Variants in LRRFIP1 observed in about 807,000 individuals in gnomAD.
The protein encoded by LRRFIP1 is leucine-rich repeat flightless-interacting protein 1.
In LRRFIP1, 62 loss-of-function variants were observed where a neutral mutation model predicts 104.4. The observed-to-expected ratio is 0.59, with a 90% CI of 0.48 to 0.73. The LOEUF (loss-of-function observed/expected upper bound fraction) is 0.73. Ranked by LOEUF, LRRFIP1 falls within the 30% of genes least tolerant of loss-of-function variation. LRRFIP1 has a pLI of 0.00. For missense variants in LRRFIP1, 796 were observed against 824.5 expected (o/e 0.97, Z 0.42); for synonymous variants, 300 against 299.0 (o/e 1.00, Z -0.03).
intron 1 of LRRFIP1, among the ~76,000 whole-genome samples, chr2:237,688,171 T>A (rs76388343): frequency 0.02 from 2,975 of 151,982 alleles, 92 homozygotes; most frequent in African/African-American, 0.068. Flanking sequence ...CTTTTAAGGA[T>A]GCCCTCTGAG....
intron 1 of LRRFIP1, among the ~76,000 whole-genome samples, chr2:237,679,505 G>A (rs142226023): frequency 6.6e-6 from 1 of 151,442 alleles, no homozygotes; most frequent in Non-Finnish European, 1.5e-5. Flanking sequence ...AAATACTTGC[G>A]GATTATGTGT....
At chr2:237,724,283 G>C (rs1350927722) in intron 7 of LRRFIP1, among the ~76,000 whole-genome samples, 1 of 152,176 alleles carries the variant, frequency 6.6e-6, no homozygotes, top group African/African-American at 2.4e-5. Flanking sequence ...AGCATATTAT[G>C]TACTATTTCA....
intron 1 of LRRFIP1, among the ~76,000 whole-genome samples, chr2:237,660,917 G>A (rs543628177): frequency 2.0e-5 from 3 of 152,232 alleles, no homozygotes; most frequent in East Asian, 1.9e-4. Flanking sequence ...ATACAGCGTC[G>A]GGACACCTGA....
intron 8 of LRRFIP1, among the ~76,000 whole-genome samples, chr2:237,732,279 G>A (rs1017525985): frequency 1.3e-5 from 2 of 152,078 alleles, no homozygotes; most frequent in Non-Finnish European, 2.9e-5. Flanking sequence ...TTGCGATGCC[G>A]TGAGGGTGTG....
chr2:237,696,145 T>A (rs928938631), intron 1 of LRRFIP1, among the ~76,000 whole-genome samples: 1 of 152,240 alleles, frequency 6.6e-6, no homozygotes. Context: ...TACTTTGTAG[T>A]AGAGAAGTAA....
At chr2:237,745,499 T>G (rs940770979) in intron 11 of LRRFIP1, among the ~76,000 whole-genome samples, 4 of 151,826 alleles carry the variant, frequency 2.6e-5, no homozygotes, top group African/African-American at 7.3e-5. Flanking sequence ...GTTTTTGGGG[T>G]TTTTTCCCTT....
At position 237,760,356 on chromosome 2, in the gene LRRFIP1, C is replaced by T. The variant is rs1288921130; in HGVS notation, c.1459+151C>T. ...CATCACTTCATGGTAATTTCCTTGC[C>T]CACCCGGTGTGGTCACCCACGTGTT... On this transcript the variant is annotated intron_variant, in intron 19 of 23. Transcript: ENST00000308482. 3 of 927,524 alleles carry T rather than the reference C, an allele frequency of 3.2e-6. No individual in the cohort carries two copies. The African/African-American group carries it at 5.0e-5, about 16-fold the overall frequency. 57.5% of individuals were successfully genotyped at this position (927,524 alleles called of 1,614,324 possible). A position where few individuals can be genotyped will look rare whatever the true frequency, so the allele number is the denominator to read the frequency against.
intron 1 of LRRFIP1, among the ~76,000 whole-genome samples, chr2:237,656,586 C>T (rs547917690): frequency 1.3e-5 from 2 of 152,336 alleles, no homozygotes; most frequent in Non-Finnish European, 2.9e-5. Flanking sequence ...TGCGTGCACA[C>T]TGAGCATTGT....
intron 1 of LRRFIP1, among the ~76,000 whole-genome samples, chr2:237,636,617 G>T (rs72991737): frequency 0.23 from 34,880 of 151,882 alleles, 4,506 homozygotes; most frequent in East Asian, 0.43. Context: ...TTCCTCCTTT[G>T]TGTGTTTTGG....
intron 8 of LRRFIP1, among the ~76,000 whole-genome samples, chr2:237,728,290 T>G (rs2094849029): frequency 6.6e-6 from 1 of 152,242 alleles, no homozygotes; most frequent in Admixed American, 6.5e-5. Context: ...TCAAAGATAC[T>G]AAATCCAACA....
At position 237,781,410 on chromosome 2, in the gene LRRFIP1, C is replaced by T. The variant is rs139788944; in HGVS notation, c.*1878C>T. Among the ~76,000 whole-genome samples the T allele has an allele frequency of 1.4e-3, 219 of 152,262 alleles. No homozygotes were observed. The highest frequency in any genetic ancestry group is 4.9e-3 in the African/African-American group (204 of 41,540). On this transcript the variant is annotated 3_prime_UTR_variant, in exon 24 of 24. Transcript: ENST00000308482. ...CAGGAAGGTGAACTGGCAGAAGTCT[C>T]CCAGCTGGTAGAACAGGGCTGCAAG...
chr2:237,648,223 A>G (rs2085293394), intron 1 of LRRFIP1, among the ~76,000 whole-genome samples: 1 of 151,818 alleles, frequency 6.6e-6, no homozygotes. Context: ...CCCTTCCCCT[A>G]GCAGCCAACT....
chr2:237,760,280 T>C (rs2059722243), intron 19 of LRRFIP1, 75 bp downstream of exon 19: 1 of 1,516,394 alleles, frequency 6.6e-7, no homozygotes, highest in Non-Finnish European at 9.0e-7. Flanking sequence ...ACTGCTGGGG[T>C]TGGAGCCACC....
chr2:237,696,248 C>T (rs2093177408), intron 1 of LRRFIP1, among the ~76,000 whole-genome samples: 1 of 152,160 alleles, frequency 6.6e-6, no homozygotes, highest in South Asian at 2.1e-4. Context: ...AGCAACGCCA[C>T]CTGTGATCCT....
At chr2:237,662,730 T>G (rs2088259841) in intron 1 of LRRFIP1, among the ~76,000 whole-genome samples, 1 of 152,134 alleles carries the variant, frequency 6.6e-6, no homozygotes, top group Non-Finnish European at 1.5e-5. Context: ...AAACTGGAAC[T>G]GCTTCTGAGG....
Position 237,760,113 on chromosome 2 carries a change from C to T in LRRFIP1, c.1367C>T (p.Ser456Phe). The T allele has an allele frequency of 6.2e-7, 1 of 1,613,852 alleles. No homozygotes were observed. Among genetic ancestry groups the T allele is most frequent in the Non-Finnish European group, 8.5e-7 (1 of 1,179,796 alleles). Residue 456 changes from serine to phenylalanine, a missense_variant, in exon 19 of 24, where the codon TCC (serine) becomes TTC (phenylalanine). Physicochemically the swap from Ser to Phe is radical, Grantham distance 155. Coordinates refer to ENST00000308482, the MANE Select transcript of LRRFIP1 (RefSeq NM_001137550.2). ...GAAATAGCTACCAATGGAGAGACTT[C>T]CGACACCCTCAATAATGTTGGATAC... is the stretch of plus-strand genomic sequence containing the variant. ...NSEIATNGET[S>F]DTLNNVGYQG...
chr2:237,687,649 C>T (rs1410413734), intron 1 of LRRFIP1, among the ~76,000 whole-genome samples: 1 of 145,246 alleles, frequency 6.9e-6, no homozygotes, highest in Non-Finnish European at 1.5e-5. Flanking sequence ...AAAGCAATAA[C>T]ATGAATGTAA....
chr2:237,692,668 C>T (rs1002141612), intron 1 of LRRFIP1: 102 of 1,136,774 alleles, frequency 9.0e-5, no homozygotes, highest in Non-Finnish European at 1.1e-4. Flanking sequence ...TGGGAGCGGG[C>T]GCAGTGGGCG....
At chr2:237,764,237 G>A in intron 19 of LRRFIP1, 1 of 1,609,816 alleles carries the variant, frequency 6.2e-7, no homozygotes, top group South Asian at 1.1e-5. Flanking sequence ...TAAATTCATA[G>A]AGAGGCACTG....
Sources: gnomAD v4.1 joint callset for allele counts (sites outside exome capture counted in the v4.1 genomes callset) on GRCh38, gnomAD v4.1.1 for gene constraint, MANE v1.5 for transcripts, NCBI Gene and HGNC (gene_info 2026-07-23, HGNC 2026-07-21) for gene names.